CSMD1: variants seen among roughly 807,000 people sequenced by gnomAD.
The protein encoded by CSMD1 is CUB and Sushi multiple domains 1, also known as CUB and sushi domain-containing protein 1.
A neutral mutation model predicts 417.5 loss-of-function variants in CSMD1; 213 were observed. The observed-to-expected ratio is 0.51, with a 90% CI of 0.46 to 0.57. The LOEUF is 0.57. CSMD1 is among the 20% of genes least tolerant of loss of function. The pLI is 0.00. For missense variants in CSMD1, 6,923 were observed against 4,529.7 expected, an observed-to-expected ratio of 1.53 and a Z score of -15.17; for synonymous variants, 2,862 against 1,736.8, an observed-to-expected ratio of 1.65 and a Z score of -16.11.
intron 3 of CSMD1, among the ~76,000 whole-genome samples, chr8:4,074,685 T>A (rs1230402855): frequency 6.6e-6 from 1 of 152,116 alleles, no homozygotes; most frequent in Admixed American, 6.6e-5. Context: ...CGTTAAAATT[T>A]TGTATAAAGA....
intron 10 of CSMD1, among the ~76,000 whole-genome samples, chr8:3,560,578 G>A (rs1799426230): frequency 6.6e-6 from 1 of 152,132 alleles, no homozygotes; most frequent in Non-Finnish European, 1.5e-5. Context: ...AAAATGAATG[G>A]GAGAGGAAGA....
chr8:4,082,679 A>G (rs1285470686), intron 3 of CSMD1, among the ~76,000 whole-genome samples: 2 of 151,838 alleles, frequency 1.3e-5, no homozygotes. Context: ...TTAGTTACAT[A>G]TGCATACATG....
At chr8:3,542,410 AGATACCGTTCTAC>A (rs1354962436) in intron 10 of CSMD1, among the ~76,000 whole-genome samples, 1 of 152,204 alleles carries the variant, frequency 6.6e-6, no homozygotes, top group East Asian at 1.9e-4. Flanking sequence ...ACCCTGTTCC[AGATACCGTTCTAC>A]GATTGGATGT....
chr8:3,301,377 G>T (rs1308283761), intron 25 of CSMD1, among the ~76,000 whole-genome samples: 2 of 152,094 alleles, frequency 1.3e-5, no homozygotes, highest in Non-Finnish European at 2.9e-5. Context: ...TCACAGAAGT[G>T]TGGGAGCTAG....
At chr8:3,950,691 T>C (rs748817585) in intron 5 of CSMD1, among the ~76,000 whole-genome samples, 4 of 152,204 alleles carry the variant, frequency 2.6e-5, no homozygotes, top group African/African-American at 4.8e-5. Context: ...AATAATGCAT[T>C]ATGGAGCACA....
At chr8:4,528,345 T>C (rs560555244) in intron 2 of CSMD1, among the ~76,000 whole-genome samples, 110 of 152,206 alleles carry the variant, frequency 7.2e-4, no homozygotes, top group Admixed American at 7.0e-3. Flanking sequence ...GAAGGTGGGA[T>C]CCAGGAAGTC....
At chr8:3,764,077 T>C (rs1374546312) in intron 5 of CSMD1, among the ~76,000 whole-genome samples, 2 of 152,224 alleles carry the variant, frequency 1.3e-5, no homozygotes, top group Middle Eastern at 3.4e-3. Flanking sequence ...CTCTCAGATG[T>C]ATATTTCTGG....
At chr8:4,199,872 A>C (rs1306247930) in intron 3 of CSMD1, among the ~76,000 whole-genome samples, 1 of 152,198 alleles carries the variant, frequency 6.6e-6, no homozygotes, top group African/African-American at 2.4e-5. Context: ...TTACCATGAC[A>C]ATATTTTTAG....
chr8:4,474,343 G>A (rs111953666), intron 2 of CSMD1, among the ~76,000 whole-genome samples: 1 of 152,164 alleles, frequency 6.6e-6, no homozygotes. Context: ...TTATAAGGAA[G>A]ATTTTATGCT....
chr8:4,350,059 A>G (rs1465601480), intron 3 of CSMD1, among the ~76,000 whole-genome samples: 1 of 152,170 alleles, frequency 6.6e-6, no homozygotes, highest in East Asian at 1.9e-4. Context: ...CTTATTTCAA[A>G]TAAGAATCTC....
At chr8:4,440,485 T>C (rs1346409124) in intron 2 of CSMD1, among the ~76,000 whole-genome samples, 1 of 152,190 alleles carries the variant, frequency 6.6e-6, no homozygotes. Context: ...TCTCAGCAAC[T>C]GTTCTCATTT....
intron 3 of CSMD1, among the ~76,000 whole-genome samples, chr8:4,417,531 A>C (rs1263433571): frequency 6.6e-6 from 1 of 152,058 alleles, no homozygotes; most frequent in Non-Finnish European, 1.5e-5. Context: ...AAAAAACATG[A>C]ATTTATTATA....
At chr8:4,633,231 T>C (rs897449061) in intron 2 of CSMD1, among the ~76,000 whole-genome samples, 1 of 151,858 alleles carries the variant, frequency 6.6e-6, no homozygotes, top group Non-Finnish European at 1.5e-5. Flanking sequence ...GGAAAGGTGT[T>C]TTTTTATGTG....
chr8:4,872,357 C>G (rs1363477988), intron 1 of CSMD1, among the ~76,000 whole-genome samples: 2 of 152,052 alleles, frequency 1.3e-5, no homozygotes, highest in Admixed American at 6.5e-5. Flanking sequence ...AGGAAGAGAA[C>G]AGGTGGAGGT....
At chr8:3,301,818 A>G (rs1804431471) in intron 25 of CSMD1, among the ~76,000 whole-genome samples, 2 of 152,164 alleles carry the variant, frequency 1.3e-5, no homozygotes, top group Admixed American at 1.3e-4. Flanking sequence ...GGATTTGGGA[A>G]GGTCAGTTGA....
chr8:3,063,441 G>C (rs1355211073), intron 49 of CSMD1, among the ~76,000 whole-genome samples: 2 of 152,162 alleles, frequency 1.3e-5, no homozygotes, highest in East Asian at 1.9e-4. Context: ...ACCTATGGTG[G>C]TTCCTCAAAA....
rs112827062 is a variant in CSMD1 at position 4,887,552 on chromosome 8, C to T, written c.85+106780G>A. On this transcript the variant is annotated intron_variant, in intron 1 of 69. Transcript: ENST00000635120. Reference sequence around the variant, plus strand: ...TTTTACATAGTTTTTTATTTGTTAACGAAAGTGGGATATTGAAGTCACCAA... The same window carrying T: ...TTTTACATAGTTTTTTATTTGTTAATGAAAGTGGGATATTGAAGTCACCAA... Among the ~76,000 whole-genome samples the T allele has an allele frequency of 7.8e-3, 1,185 of 151,898 alleles. 24 individuals carry two copies. Among genetic ancestry groups the T allele is most frequent in the African/African-American group, 0.027 (1,115 of 41,428 alleles).
chr8:3,448,246 T>C (rs937654056), intron 12 of CSMD1, among the ~76,000 whole-genome samples: 8 of 135,330 alleles, frequency 5.9e-5, no homozygotes, highest in African/African-American at 1.1e-4. Context: ...GAGAAGAGGA[T>C]TGATCTCAAG....
At chr8:4,572,368 G>A (rs769874147) in intron 2 of CSMD1, among the ~76,000 whole-genome samples, 6 of 152,056 alleles carry the variant, frequency 3.9e-5, no homozygotes, top group Admixed American at 6.6e-5. Flanking sequence ...TTTCTCCTTC[G>A]CTTATGAAGC....
Sources: allele counts gnomAD v4.1 joint callset (sites outside exome capture counted in the v4.1 genomes callset), GRCh38; gene constraint gnomAD v4.1.1; transcripts MANE v1.5; gene names NCBI Gene and HGNC (gene_info 2026-07-23, HGNC 2026-07-21).